Variants in MARS1 observed in about 807,000 individuals in gnomAD.
MARS1 encodes methionyl-tRNA synthetase 1.
A neutral mutation model predicts 119.5 loss-of-function variants in MARS1; 80 were observed. That is an observed-to-expected ratio of 0.67 (90% CI 0.56 to 0.81). MARS1 has a LOEUF of 0.81. MARS1 is among the 30% of genes least tolerant of loss of function. The pLI is 0.00. For synonymous variants in MARS1, 418 were observed against 433.4 expected, an observed-to-expected ratio of 0.96 and a Z score of 0.44; for missense variants, 945 against 1,116.5, an observed-to-expected ratio of 0.85 and a Z score of 2.19.
chr12:57,511,759 A>C lies in MARS1; in HGVS notation c.1430A>C (p.Asn477Thr). ...RTLPGSDWTP[N>T]AQFITRSWLR... ...TTGCCTGGCAGTGACTGGACACCCAATGCCCAGTTTATCACCCGTTCTTGG... is the reference window on the plus strand; with the variant it reads ...TTGCCTGGCAGTGACTGGACACCCACTGCCCAGTTTATCACCCGTTCTTGG... Residue 477 changes from asparagine (N) to threonine (T), a missense_variant, in exon 12 of 21, where the codon AAT becomes ACT. Transcript: ENST00000262027. 1 of 1,614,192 alleles carries C rather than the reference A, an allele frequency of 6.2e-7. No individual in the cohort carries two copies.
intron 7 of MARS1, among the ~76,000 whole-genome samples, chr12:57,494,216 A>G (rs1183839230): frequency 6.6e-6 from 1 of 151,266 alleles, no homozygotes; most frequent in Non-Finnish European, 1.5e-5. Context: ...TCGGCCTCCC[A>G]AAGTGTTTGG....
At position 57,511,680 on chromosome 12, in the gene MARS1, C is replaced by A. The variant is rs771357667; in HGVS notation, c.1369-18C>A. The A allele has an allele frequency of 6.2e-7, 1 of 1,613,800 alleles. No homozygotes were observed. The highest frequency in any genetic ancestry group is 2.2e-5 in the East Asian group (1 of 44,866). ...TATGAGACTTTCCTAAATCAGCCCTCTTTCTCCGTTATCTCAGCTGGAGAA... is the reference window on the plus strand; with the variant it reads ...TATGAGACTTTCCTAAATCAGCCCTATTTCTCCGTTATCTCAGCTGGAGAA... On this transcript the variant is annotated intron_variant, in intron 11 of 20. Coordinates refer to ENST00000262027, the MANE Select transcript of MARS1 (RefSeq NM_004990.4).
In MARS1 at chr12:57,488,154, G is replaced by T. The variant is rs1565635678; in HGVS notation, c.64G>T (p.Ala22Ser). 6.2e-7 allele frequency: 1 copy of T among 1,614,176 alleles called. No homozygotes were observed. Among genetic ancestry groups the T allele is most frequent in the Admixed American group, 1.7e-5 (1 of 60,026 alleles). The change falls in exon 1 of 21, where the codon GCC (alanine) becomes TCC (serine). Residue 22 changes from alanine to serine, a missense_variant. Transcript: ENST00000262027. ...CLPVLAAAGR[A>S]RGRAEVLIST... ...GCCGGTGCTGGCCGCCGCCGGGAGA[G>T]CCCGGGGCAGAGCAGAGGTGCTCAT...
At chr12:57,515,603 T>C (rs1594836960) in intron 18 of MARS1, 7 of 570,796 alleles carry the variant, frequency 1.2e-5, no homozygotes, top group East Asian at 1.2e-4. Flanking sequence ...GTCTCCATAA[T>C]GCTAGCAGAT....
chr12:57,510,157 G>A (rs889318952), intron 11 of MARS1, among the ~76,000 whole-genome samples: 4 of 152,082 alleles, frequency 2.6e-5, no homozygotes, highest in East Asian at 1.9e-4. Context: ...GACTACAGGC[G>A]TGTACTATCA....
chr12:57,488,355 C>G, intron 1 of MARS1, 156 bp downstream of exon 1: 1 of 748,402 alleles, frequency 1.3e-6, no homozygotes, highest in South Asian at 1.8e-5. Context: ...CTTCTTCCCT[C>G]CCAGTCACAT....
At chr12:57,507,647 CCGGGCGGGGG>C (rs1877263550) in intron 11 of MARS1, among the ~76,000 whole-genome samples, 2 of 118,578 alleles carry the variant, frequency 1.7e-5, no homozygotes, top group Admixed American at 8.4e-5. Context: ...GGGCGGCTGG[CCGGGCGGGGG>C]TCTGGCCCCC....
intron 10 of MARS1, among the ~76,000 whole-genome samples, chr12:57,502,685 G>T (rs189672765): frequency 8.4e-6 from 1 of 118,802 alleles, no homozygotes; most frequent in Non-Finnish European, 1.7e-5. Context: ...CAGCCTGGGC[G>T]ACAGAGCGAG....
intron 11 of MARS1, among the ~76,000 whole-genome samples, chr12:57,505,490 CCTT>C (rs1431684430): frequency 2.0e-5 from 3 of 152,096 alleles, no homozygotes; most frequent in South Asian, 2.1e-4. Flanking sequence ...CAGTGTTCCT[CCTT>C]CTGTACCCTG....
intron 10 of MARS1, among the ~76,000 whole-genome samples, chr12:57,503,391 A>G (rs561359675): frequency 1.3e-5 from 2 of 151,470 alleles, no homozygotes; most frequent in Admixed American, 1.3e-4. Context: ...GCACTACCAA[A>G]CCCGGCTAAT....
chr12:57,498,647 A>C, intron 9 of MARS1, 24 bp downstream of exon 9: 2 of 1,607,204 alleles, frequency 1.2e-6, no homozygotes, highest in Non-Finnish European at 1.7e-6. Context: ...AATGAGGCAG[A>C]AATGGGGCTT....
chr12:57,498,658 G>C (rs1232304783), intron 9 of MARS1, 35 bp downstream of exon 9: 1 of 1,595,008 alleles, frequency 6.3e-7, no homozygotes, highest in South Asian at 1.1e-5. Context: ...AATGGGGCTT[G>C]AAGGCTGAGA....
chr12:57,489,166 A>G, intron 2 of MARS1, 57 bp downstream of exon 2: 1 of 1,596,786 alleles, frequency 6.3e-7, no homozygotes, highest in South Asian at 1.1e-5. Context: ...CCTCACTGTC[A>G]TTTGTGTGGC....
intron 11 of MARS1, among the ~76,000 whole-genome samples, chr12:57,506,518 G>A (rs560129373): frequency 6.6e-6 from 1 of 152,156 alleles, no homozygotes; most frequent in Non-Finnish European, 1.5e-5. Flanking sequence ...TTCTTGGTTG[G>A]AATACTACAT....
chr12:57,507,684 G>A (rs1484871264), intron 11 of MARS1, among the ~76,000 whole-genome samples: 6 of 110,256 alleles, frequency 5.4e-5, no homozygotes, highest in African/African-American at 1.5e-4. Context: ...CCTCCCGGAC[G>A]GGACGGCTGG....
At chr12:57,493,784 A>ATATAT (rs1291225556) in intron 7 of MARS1, among the ~76,000 whole-genome samples, 1 of 1,840 alleles carries the variant, frequency 5.4e-4, no homozygotes, top group Non-Finnish European at 8.9e-4. Context: ...AATATATATT[A>ATATAT]TATATTATAT....
intron 7 of MARS1, among the ~76,000 whole-genome samples, chr12:57,493,242 C>T (rs921048107): frequency 2.2e-5 from 3 of 133,516 alleles, no homozygotes; most frequent in Non-Finnish European, 4.6e-5. Flanking sequence ...ATATTGATAA[C>T]ATTTGAATGA....
rs1012120393 is a variant in MARS1 at position 57,514,750 on chromosome 12, G to A, written c.1998G>A (p.Gly666=). ...GGATGTTTGTGTCTAAGTTCTTTGG[G>A]GGCTATGTGCCTGAGATGGTGCTCA... The part of the protein sequence containing the change: ...RAGMFVSKFF[G]GYVPEMVLTP... The change falls in exon 16 of 21, where the codon GGG becomes GGA. Residue 666 remains glycine, a synonymous_variant. Coordinates refer to ENST00000262027, the MANE Select transcript of MARS1 (RefSeq NM_004990.4). The A allele has an allele frequency of 6.2e-7, 1 of 1,614,038 alleles. No individual in the cohort carries two copies. Among genetic ancestry groups the A allele is most frequent in the African/African-American group, 1.3e-5 (1 of 74,920 alleles).
intron 11 of MARS1, among the ~76,000 whole-genome samples, chr12:57,510,144 TG>T (rs1813189888): frequency 6.6e-6 from 1 of 152,266 alleles, no homozygotes; most frequent in African/African-American, 2.4e-5. Flanking sequence ...TCTGCGTAGT[TG>T]GGACTACAGG....
Sources: gnomAD v4.1 joint callset for allele counts (sites outside exome capture counted in the v4.1 genomes callset) on GRCh38, gnomAD v4.1.1 for gene constraint, MANE v1.5 for transcripts, NCBI Gene and HGNC (gene_info 2026-07-23, HGNC 2026-07-21) for gene names.